Variants in PHLPP1 observed in about 807,000 individuals in gnomAD.
PHLPP1 encodes the protein PH domain leucine-rich repeat-containing protein phosphatase 1.
PHLPP1 carries 42 observed loss-of-function variants against 117.2 expected under a neutral mutation model. That is an observed-to-expected ratio of 0.36 (90% CI 0.28 to 0.46). The LOEUF is 0.46. Among genes scored for constraint, PHLPP1 ranks in the 20% least tolerant of loss-of-function variants. The probability of loss-of-function intolerance (pLI) is 1.00; values close to 1 mark genes in which losing one functional copy is unlikely to be tolerated. For missense variants in PHLPP1, 2,084 were observed against 2,241.9 expected, an observed-to-expected ratio of 0.93 and a Z score of 1.42; for synonymous variants, 1,042 against 970.7, an observed-to-expected ratio of 1.07 and a Z score of -1.37.
intron 3 of PHLPP1, among the ~76,000 whole-genome samples, chr18:62,852,711 C>G (rs769475860): frequency 6.6e-6 from 1 of 152,272 alleles, no homozygotes; most frequent in East Asian, 1.9e-4. Context: ...TTGACCAAGC[C>G]TTTTAGAGTC....
At chr18:62,838,326 A>G (rs1430813245) in intron 2 of PHLPP1, 1 of 152,768 alleles carries the variant, frequency 6.5e-6, no homozygotes, top group Non-Finnish European at 1.5e-5. Flanking sequence ...ATTTCACTGC[A>G]TCATTAGGAC....
intron 1 of PHLPP1, among the ~76,000 whole-genome samples, chr18:62,797,184 C>G (rs1913651869): frequency 6.6e-6 from 1 of 152,084 alleles, no homozygotes; most frequent in African/African-American, 2.4e-5. Context: ...CTTCTGTAAC[C>G]AAAACTTTTT....
intron 14 of PHLPP1, among the ~76,000 whole-genome samples, chr18:62,972,039 AAAAAAT>A (rs1029060077): frequency 1.3e-5 from 2 of 152,220 alleles, no homozygotes; most frequent in African/African-American, 2.4e-5. Context: ...CTGTCTCAAA[AAAAAAT>A]AAAAATAAAA....
At chr18:62,808,036 G>A (rs1914000470) in intron 1 of PHLPP1, among the ~76,000 whole-genome samples, 1 of 152,218 alleles carries the variant, frequency 6.6e-6, no homozygotes, top group Non-Finnish European at 1.5e-5. Context: ...CTATGTGTGT[G>A]TGGTCTGTCT....
intron 1 of PHLPP1, among the ~76,000 whole-genome samples, chr18:62,824,813 A>G (rs1431938651): frequency 2.0e-5 from 3 of 152,182 alleles, no homozygotes; most frequent in African/African-American, 7.2e-5. Flanking sequence ...CAGGATGTAA[A>G]ACAACCCCAA....
At chr18:62,761,745 T>A (rs1912248678) in intron 1 of PHLPP1, among the ~76,000 whole-genome samples, 1 of 152,068 alleles carries the variant, frequency 6.6e-6, no homozygotes, top group African/African-American at 2.4e-5. Context: ...GTAGAGGTAC[T>A]GAATTTGATA....
intron 2 of PHLPP1, 41 bp downstream of exon 2, chr18:62,830,272 A>T: frequency 2.0e-6 from 3 of 1,500,692 alleles, no homozygotes; most frequent in Non-Finnish European, 2.7e-6. Context: ...TCAGAGTCTC[A>T]CTCTGTCACC....
Position 62,941,935 on chromosome 18 carries a change from A to C in PHLPP1, c.3161+17A>C, listed in dbSNP as rs768000267. 1.3e-5 allele frequency: 21 copies of C among 1,589,718 alleles called. No homozygotes were observed. The highest frequency in any genetic ancestry group is 1.8e-5 in the Non-Finnish European group (21 of 1,159,644). On this transcript the variant is annotated intron_variant, in intron 11 of 16. Transcript: ENST00000262719. ...TCCAGCAAGGTAAAGGACAGTTGTA[A>C]AGCTGCGTTCTGAATTGCATTTCTC... is the stretch of plus-strand genomic sequence containing the variant.
At chr18:62,892,210 TC>T (rs1916444173) in intron 4 of PHLPP1, among the ~76,000 whole-genome samples, 1 of 149,886 alleles carries the variant, frequency 6.7e-6, no homozygotes, top group Non-Finnish European at 1.5e-5. Flanking sequence ...TGCCTCAGCC[TC>T]CTGAGTAGCT....
chr18:62,948,249 CGA>C (rs1401214951), intron 12 of PHLPP1, among the ~76,000 whole-genome samples: 3 of 151,512 alleles, frequency 2.0e-5, no homozygotes, highest in South Asian at 2.1e-4. Flanking sequence ...CACTTGAACC[CGA>C]GAGGGGGAAG....
At chr18:62,759,704 A>G (rs1912151488) in intron 1 of PHLPP1, among the ~76,000 whole-genome samples, 1 of 152,222 alleles carries the variant, frequency 6.6e-6, no homozygotes. Flanking sequence ...AGAATTAGTG[A>G]TATCTTCAAG....
chr18:62,925,084 A>G (rs1264972038), intron 10 of PHLPP1, among the ~76,000 whole-genome samples: 1 of 152,062 alleles, frequency 6.6e-6, no homozygotes, highest in South Asian at 2.1e-4. Context: ...GGAAACCCCA[A>G]AAGAGTTTCA....
chr18:62,958,526 A>T lies in PHLPP1; in HGVS notation c.3325-103A>T, dbSNP rs930595725. ...TTCCACATTTGTCTAGTGTATTATA[A>T]TGAATGGTCAGACTGATTTGCATGC... is the stretch of plus-strand genomic sequence containing the variant. On this transcript the variant is annotated intron_variant, in intron 12 of 16. Transcript: ENST00000262719. 9 of 1,110,640 alleles carry T rather than the reference A, an allele frequency of 8.1e-6. No homozygotes were observed. The African/African-American group carries it at 1.4e-4, about 17-fold the overall frequency. 68.8% of individuals were successfully genotyped at this position (1,110,640 alleles called of 1,614,324 possible).
chr18:62,782,738 T>A (rs1303697722), intron 1 of PHLPP1, among the ~76,000 whole-genome samples: 1 of 152,136 alleles, frequency 6.6e-6, no homozygotes, highest in Non-Finnish European at 1.5e-5. Context: ...TCCTATAAAT[T>A]CTTACCTGTA....
chr18:62,919,851 TA>T, intron 9 of PHLPP1, 107 bp from the exon 10 acceptor site: 1 of 754,874 alleles, frequency 1.3e-6, no homozygotes, highest in Non-Finnish European at 2.2e-6. Context: ...GAATTTATAT[TA>T]AAATGAATTT....
In PHLPP1 at chr18:62,895,104, C is replaced by T. The variant is rs1309084842; in HGVS notation, c.2160C>T (p.Asn720=). The change falls in exon 5 of 17, where the codon AAC becomes AAT. Residue 720 remains asparagine (N), a synonymous_variant. Coordinates refer to ENST00000262719, the MANE Select transcript of PHLPP1 (RefSeq NM_194449.4). ...VCSIPTLAEL[N]VSCNALRSVP... ...GTATTCCAACCCTGGCAGAGCTGAA[C>T]GTGTCCTGCAATGCCCTGCGATCAG... 2.5e-6 allele frequency: 4 copies of T among 1,613,816 alleles called. No individual in the cohort carries two copies. The African/African-American group carries it at 4.0e-5, about 16-fold the overall frequency.
chr18:62,978,196 G>A lies in PHLPP1; in HGVS notation c.3985-66G>A. Reference sequence around the variant, plus strand: ...GTCGAGACAGTCGAGGGACCCGCAGGGAACCTGCACAGTTGCCGCAGGTGC... The same window carrying A: ...GTCGAGACAGTCGAGGGACCCGCAGAGAACCTGCACAGTTGCCGCAGGTGC... On this transcript the variant is annotated intron_variant, in intron 16 of 16. Transcript: ENST00000262719. This position sits in a 1 kb window ranked among gnomAD's most constrained non-coding sequence, Gnocchi z 7.0. The A allele has an allele frequency of 2.2e-6, 2 of 928,554 alleles. No homozygotes were observed. Among genetic ancestry groups the A allele is most frequent in the Non-Finnish European group, 1.7e-6 (1 of 603,876 alleles). The allele number at this position is 928,554 out of a possible 1,614,324, so 57.5% of individuals were successfully genotyped here.
In PHLPP1 at chr18:62,716,943, G is replaced by T. The variant is rs949288369; in HGVS notation, c.1260G>T (p.Pro420=). 3.9e-6 allele frequency: 6 copies of T among 1,536,714 alleles called. No homozygotes were observed. The African/African-American group carries it at 6.9e-5, about 18-fold the overall frequency. The change falls in exon 1 of 17, where the codon CCG becomes CCT. Residue 420 remains proline (P), a synonymous_variant. Coordinates refer to ENST00000262719, the MANE Select transcript of PHLPP1 (RefSeq NM_194449.4). This position sits in a 1 kb window ranked among gnomAD's most constrained non-coding sequence, Gnocchi z 5.7. The stretch of plus-strand genomic sequence containing the variant: ...CGCCTCAGCCGCAGCAGAAAGCCCC[G>T]AGGGCCATTGACAGCCCGGGCGGGG... ...ASSPQPQQKA[P]RAIDSPGGAV...
intron 1 of PHLPP1, among the ~76,000 whole-genome samples, chr18:62,817,090 C>T (rs572356962): frequency 1.1e-4 from 17 of 152,222 alleles, no homozygotes; most frequent in South Asian, 8.3e-4. Flanking sequence ...TACAGGTGCA[C>T]GCCACCACAC....
Sources: allele counts gnomAD v4.1 joint callset (sites outside exome capture counted in the v4.1 genomes callset), GRCh38; gene constraint gnomAD v4.1.1; non-coding constraint Gnocchi (gnomAD v3.1); transcripts MANE v1.5; gene names NCBI Gene and HGNC (gene_info 2026-07-23, HGNC 2026-07-21).